ATG7: variants seen among roughly 807,000 people sequenced by gnomAD.
ATG7 encodes the protein autophagy related 7, also known as ubiquitin-like modifier-activating enzyme ATG7.
In ATG7, 70 loss-of-function variants were observed where a neutral mutation model predicts 82.4. The observed-to-expected ratio is 0.85, with a 90% CI of 0.70 to 1.04. ATG7 has a LOEUF of 1.04. Ranked by LOEUF, ATG7 falls within the 50% of genes least tolerant of loss-of-function variation. ATG7 has a pLI of 0.00. For synonymous variants in ATG7, 287 were observed against 313.0 expected (o/e 0.92, Z 0.88); for missense variants, 792 against 864.3 (o/e 0.92, Z 1.05).
intron 19 of ATG7, among the ~76,000 whole-genome samples, chr3:11,422,473 T>C (rs11924286): frequency 0.027 from 4,136 of 152,270 alleles, 178 homozygotes; most frequent in African/African-American, 0.093. Flanking sequence ...TCAGCCTTCA[T>C]AGAAGTAAAG....
At chr3:11,495,457 C>A (rs924000443) in intron 20 of ATG7, among the ~76,000 whole-genome samples, 18 of 96,382 alleles carry the variant, frequency 1.9e-4, no homozygotes, top group African/African-American at 6.8e-4. Context: ...CTGGCAGAGA[C>A]CCCCAGACAT....
intron 20 of ATG7, among the ~76,000 whole-genome samples, chr3:11,519,551 T>G (rs553821991): frequency 0.023 from 1,998 of 87,592 alleles, 16 homozygotes; most frequent in South Asian, 0.063. Context: ...TTTTTTTTTT[T>G]TTTTTTTTTT....
At chr3:11,311,603 CAAAAAAAA>C (rs1320350651) in intron 7 of ATG7, among the ~76,000 whole-genome samples, 1 of 82,238 alleles carries the variant, frequency 1.2e-5, no homozygotes, top group Non-Finnish European at 2.6e-5. Flanking sequence ...AGACTGTCTC[CAAAAAAAA>C]AAAAAAAAAG....
Position 11,315,130 on chromosome 3 carries a change from A to T in ATG7, c.529-214A>T, listed in dbSNP as rs528514243. Among the ~76,000 whole-genome samples the T allele has an allele frequency of 1.2e-4, 18 of 152,302 alleles. No homozygotes were observed. In the South Asian group the frequency reaches 3.5e-3, roughly 30 times the overall value. ...GTTGTAGTCCCTTTGTGCCCCTAAG[A>T]CACACACCACCATGCCCCTGGAAAG... On this transcript the variant is annotated intron_variant, in intron 8 of 20. Transcript: ENST00000693202.
intron 5 of ATG7, among the ~76,000 whole-genome samples, chr3:11,301,407 A>G (rs899490470): frequency 6.6e-6 from 1 of 152,214 alleles, no homozygotes; most frequent in Non-Finnish European, 1.5e-5. Flanking sequence ...GAAAGTGGCA[A>G]TGGTCAACTA....
intron 20 of ATG7, among the ~76,000 whole-genome samples, chr3:11,480,418 T>A (rs1340339384): frequency 6.6e-6 from 1 of 152,080 alleles, no homozygotes; most frequent in Non-Finnish European, 1.5e-5. Context: ...ATGCCTATAG[T>A]CCCAGGTATT....
chr3:11,512,628 G>A (rs904107226), intron 20 of ATG7, among the ~76,000 whole-genome samples: 10 of 152,268 alleles, frequency 6.6e-5, no homozygotes, highest in African/African-American at 2.2e-4. Context: ...GTGGGTTCGT[G>A]GTCTCGCTGG....
intron 19 of ATG7, among the ~76,000 whole-genome samples, chr3:11,406,499 C>T (rs1391904093): frequency 6.6e-6 from 1 of 152,104 alleles, no homozygotes; most frequent in Non-Finnish European, 1.5e-5. Context: ...GTAGAGATGA[C>T]ATCTTGCTAT....
At chr3:11,316,008 T>C (rs80234821) in intron 9 of ATG7, among the ~76,000 whole-genome samples, 6,935 of 152,250 alleles carry the variant, frequency 0.046, 488 homozygotes, top group African/African-American at 0.15. Context: ...TGTGAGCCAC[T>C]GTGCCCAGCC....
At chr3:11,289,600 T>C (rs1453908879) in intron 3 of ATG7, among the ~76,000 whole-genome samples, 1 of 152,220 alleles carries the variant, frequency 6.6e-6, no homozygotes, top group Non-Finnish European at 1.5e-5. Flanking sequence ...GTGCCTCTTA[T>C]GCAAATTACT....
At chr3:11,437,644 C>T (rs771865476) in intron 20 of ATG7, among the ~76,000 whole-genome samples, 6 of 152,114 alleles carry the variant, frequency 3.9e-5, no homozygotes, top group Non-Finnish European at 5.9e-5. Context: ...ACAGTGAATA[C>T]CCACATACTC....
chr3:11,514,691 T>C (rs555338069), intron 20 of ATG7, among the ~76,000 whole-genome samples: 1 of 152,336 alleles, frequency 6.6e-6, no homozygotes, highest in Non-Finnish European at 1.5e-5. Flanking sequence ...ATGCATAGCA[T>C]ACTTACATAG....
the ATG7 span, among the ~76,000 whole-genome samples, chr3:11,573,277 AAGAAAG>A: frequency 4.3e-5 from 1 of 23,442 alleles, no homozygotes; most frequent in Non-Finnish European, 9.5e-5. Context: ...GAAAGAAAGA[AAGAAAG>A]AAAGAAAGAA....
chr3:11,483,733 G>A (rs1043269836), intron 20 of ATG7, among the ~76,000 whole-genome samples: 1 of 152,164 alleles, frequency 6.6e-6, no homozygotes, highest in Non-Finnish European at 1.5e-5. Context: ...GGAAATCGGA[G>A]GACTCACAGA....
intron 20 of ATG7, among the ~76,000 whole-genome samples, chr3:11,437,560 T>G (rs2083474081): frequency 6.6e-6 from 1 of 152,166 alleles, no homozygotes. Context: ...ATTTCCCTGT[T>G]TACCACAGGA....
intron 19 of ATG7, among the ~76,000 whole-genome samples, chr3:11,381,739 CT>C (rs1202139997): frequency 6.6e-6 from 1 of 152,202 alleles, no homozygotes; most frequent in African/African-American, 2.4e-5. Context: ...ATTTTAACAG[CT>C]GTGCTATTCC....
chr3:11,350,277 TAAG>T (rs1178599463), intron 14 of ATG7, among the ~76,000 whole-genome samples: 2 of 152,208 alleles, frequency 1.3e-5, no homozygotes, highest in East Asian at 3.8e-4. Context: ...CTGAAAAAAA[TAAG>T]AATACGTTGC....
At chr3:11,536,860 A>G (rs1181287423) in intron 20 of ATG7, among the ~76,000 whole-genome samples, 1 of 152,172 alleles carries the variant, frequency 6.6e-6, no homozygotes, top group Non-Finnish European at 1.5e-5. Context: ...AATGTTGTGC[A>G]AGATCATGTC....
chr3:11,448,355 C>T (rs973462700), intron 20 of ATG7, among the ~76,000 whole-genome samples: 1 of 151,808 alleles, frequency 6.6e-6, no homozygotes, highest in Non-Finnish European at 1.5e-5. Flanking sequence ...GGGGAGTGCT[C>T]TCTCTGGCTG....
Sources: allele counts gnomAD v4.1 joint callset (sites outside exome capture counted in the v4.1 genomes callset), GRCh38; gene constraint gnomAD v4.1.1; transcripts MANE v1.5; gene names NCBI Gene and HGNC (gene_info 2026-07-23, HGNC 2026-07-21).